The following TLN2 variants were observed in gnomAD, a reference collection of about 807,000 sequenced individuals.
The protein encoded by TLN2 is talin 2, also known as talin-2.
Under a neutral mutation model 294.7 loss-of-function variants are expected in TLN2, and 118 were observed. The ratio of observed to expected loss-of-function variants is 0.40; its 90% confidence interval spans 0.34 to 0.47. TLN2 has a LOEUF of 0.47. Ranked by LOEUF, TLN2 falls within the 20% of genes least tolerant of loss-of-function variation. The pLI, the probability that TLN2 is intolerant of heterozygous loss-of-function variation, is 0.84. For missense variants in TLN2, 3,083 were observed against 3,282.2 expected, an observed-to-expected ratio of 0.94 and a Z score of 1.48; for synonymous variants, 1,431 against 1,304.5, an observed-to-expected ratio of 1.10 and a Z score of -2.09.
At chr15:62,418,024 C>T (rs1010832815) in intron 1 of TLN2, among the ~76,000 whole-genome samples, 4 of 152,208 alleles carry the variant, frequency 2.6e-5, no homozygotes, top group Admixed American at 2.6e-4. Flanking sequence ...TCCTTGGATC[C>T]TGATGTGGCA....
intron 9 of TLN2, among the ~76,000 whole-genome samples, chr15:62,667,822 G>A (rs1222592510): frequency 3.3e-5 from 5 of 152,136 alleles, no homozygotes. Flanking sequence ...TTTTACATAA[G>A]AAAATGAGGT....
intron 48 of TLN2, 81 bp downstream of exon 48, chr15:62,797,483 A>G: frequency 6.9e-7 from 1 of 1,443,460 alleles, no homozygotes. Context: ...GGCCTAAGGC[A>G]GAACAGGAAC....
intron 1 of TLN2, among the ~76,000 whole-genome samples, chr15:62,492,628 A>G (rs1011935578): frequency 6.6e-6 from 1 of 152,000 alleles, no homozygotes; most frequent in Non-Finnish European, 1.5e-5. Context: ...AAAATAATGA[A>G]TTTTGCCCTA....
At chr15:62,699,395 T>C (rs1389698213) in intron 16 of TLN2, among the ~76,000 whole-genome samples, 2 of 152,138 alleles carry the variant, frequency 1.3e-5, no homozygotes, top group Admixed American at 6.5e-5. Flanking sequence ...ATTTTTTTTT[T>C]TTTGGATCTT....
chr15:62,564,925 A>AATATAT lies in TLN2; in HGVS notation c.-237-24750_-237-24745dup, dbSNP rs1555430771. On this transcript the variant is annotated intron_variant, in intron 1 of 58. Transcript: ENST00000636159. ...CATCTCAAAAAAAAAAAAAAAAAAAAATATATATATATATATACTGCATTC... is the reference window on the plus strand; with the variant it reads ...CATCTCAAAAAAAAAAAAAAAAAAAAATATATATATATATATATATATACTGCATTC... Among the ~76,000 whole-genome samples the AATATAT allele has an allele frequency of 1.4e-3, 109 of 80,602 alleles. 1 individual carries two copies. The highest frequency in any genetic ancestry group is 0.013 in the Middle Eastern group (2 of 152). 52.9% of individuals were successfully genotyped at this position (80,602 alleles called of 152,430 possible). A position where few individuals can be genotyped will look rare whatever the true frequency, so the allele number is the denominator to read the frequency against.
rs548960101 is a variant in TLN2 at position 62,579,495 on chromosome 15, C to A, written c.-237-10192C>A. On this transcript the variant is annotated intron_variant, in intron 1 of 58. Coordinates refer to ENST00000636159, the MANE Select transcript of TLN2 (RefSeq NM_015059.3). ...TGACCTCGTGTTCTTGTTTGTGATA[C>A]TTATCTTAGGTTGCTGGGGGCTGAG... Among the ~76,000 whole-genome samples the A allele has an allele frequency of 1.4e-4, 22 of 151,776 alleles. No homozygotes were observed. In the East Asian group the frequency reaches 3.9e-3, roughly 27 times the overall value.
chr15:62,825,751 ATATAAT>A (rs1160798224), intron 54 of TLN2, among the ~76,000 whole-genome samples: 4 of 105,872 alleles, frequency 3.8e-5, no homozygotes, highest in East Asian at 2.4e-4. Context: ...TATATATTAA[ATATAAT>A]TATAATTATA....
intron 2 of TLN2, among the ~76,000 whole-genome samples, chr15:62,608,787 C>G (rs1029000883): frequency 6.6e-6 from 1 of 151,996 alleles, no homozygotes; most frequent in African/African-American, 2.4e-5. Flanking sequence ...CTGTGCAGAA[C>G]TGGTGAATGC....
intron 3 of TLN2, chr15:62,638,586 G>C: frequency 2.2e-6 from 1 of 455,900 alleles, no homozygotes; most frequent in Non-Finnish European, 4.4e-6. Flanking sequence ...ACTTTGGGAA[G>C]GTCTCTTGAC....
At position 62,798,799 on chromosome 15, in the gene TLN2, G is replaced by T. The variant is rs529071275; in HGVS notation, c.6234+1397G>T. 2.0e-4 allele frequency among the ~76,000 whole-genome samples: 30 copies of T among 152,294 alleles called. 1 individual carries two copies. Among genetic ancestry groups the T allele is most frequent in the African/African-American group, 6.7e-4 (28 of 41,562 alleles). On this transcript the variant is annotated intron_variant, in intron 48 of 58. Coordinates refer to ENST00000636159, the MANE Select transcript of TLN2 (RefSeq NM_015059.3). ...GCACCCATGAGTGGAGCACAGCTCCGAGAGGAAACATTCCTTATGCTACCA... is the reference window on the plus strand; with the variant it reads ...GCACCCATGAGTGGAGCACAGCTCCTAGAGGAAACATTCCTTATGCTACCA...
chr15:62,675,688 CA>C (rs1304566229), intron 11 of TLN2, among the ~76,000 whole-genome samples: 1 of 152,186 alleles, frequency 6.6e-6, no homozygotes, highest in African/African-American at 2.4e-5. Flanking sequence ...CACTGCAGAC[CA>C]AATCGAATTC....
intron 1 of TLN2, among the ~76,000 whole-genome samples, chr15:62,438,760 C>T (rs1167659470): frequency 9.2e-5 from 14 of 152,180 alleles, no homozygotes; most frequent in Admixed American, 9.2e-4. Context: ...TGCCAAGTTC[C>T]CCTGTGTATG....
chr15:62,565,160 C>T (rs939805811), intron 1 of TLN2, among the ~76,000 whole-genome samples: 1 of 151,978 alleles, frequency 6.6e-6, no homozygotes, highest in Admixed American at 6.6e-5. Context: ...AGCCAACACT[C>T]AGGAGACAAA....
intron 3 of TLN2, chr15:62,644,816 C>A (rs2051637554): frequency 3.0e-6 from 1 of 336,942 alleles, no homozygotes; most frequent in Non-Finnish European, 5.8e-6. Flanking sequence ...TCTCTCTTGG[C>A]TTCAGTGGAA....
intron 1 of TLN2, among the ~76,000 whole-genome samples, chr15:62,510,571 A>T (rs1414795860): frequency 6.6e-6 from 1 of 152,226 alleles, no homozygotes; most frequent in African/African-American, 2.4e-5. Flanking sequence ...TTAATGTGTA[A>T]GTTATGGGTA....
At chr15:62,675,860 G>A (rs954720461) in intron 11 of TLN2, among the ~76,000 whole-genome samples, 5 of 152,132 alleles carry the variant, frequency 3.3e-5, no homozygotes, top group African/African-American at 1.2e-4. Context: ...GGCCCTTGAT[G>A]GGTGTCATCT....
intron 54 of TLN2, chr15:62,828,214 C>T (rs1027441258): frequency 6.6e-6 from 1 of 152,344 alleles, no homozygotes; most frequent in Admixed American, 6.5e-5. Flanking sequence ...GGGAAGAGGT[C>T]AACTACAGGG....
chr15:62,599,066 G>A (rs879259070), intron 2 of TLN2, among the ~76,000 whole-genome samples: 6 of 152,214 alleles, frequency 3.9e-5, no homozygotes, highest in African/African-American at 1.4e-4. Context: ...TCACCTCTGT[G>A]TCAGGCCAGG....
chr15:62,673,938 CA>C, intron 10 of TLN2, 48 bp downstream of exon 10: 2 of 1,494,574 alleles, frequency 1.3e-6, no homozygotes, highest in Non-Finnish European at 1.9e-6. Context: ...TCCCCATCCT[CA>C]TTTATTAGTG....
Sources: gnomAD v4.1 joint callset for allele counts (sites outside exome capture counted in the v4.1 genomes callset) on GRCh38, gnomAD v4.1.1 for gene constraint, MANE v1.5 for transcripts, NCBI Gene and HGNC (gene_info 2026-07-23, HGNC 2026-07-21) for gene names.